The following RCAN2 variants were observed in gnomAD, a reference collection of about 807,000 sequenced individuals.
The protein encoded by RCAN2 is regulator of calcineurin 2.
RCAN2 carries 9 observed loss-of-function variants against 23.6 expected under a neutral mutation model. That is an observed-to-expected ratio of 0.38 (90% confidence interval 0.23 to 0.67). The LOEUF (loss-of-function observed/expected upper bound fraction) is 0.67, where lower values mean the gene tolerates loss of function less well. Among genes scored for constraint, RCAN2 ranks in the 30% least tolerant of loss-of-function variants. The pLI is 0.51. For synonymous variants in RCAN2, 109 were observed against 115.7 expected (o/e 0.94, Z 0.37); for missense variants, 273 against 302.3 (o/e 0.90, Z 0.72).
intron 2 of RCAN2, among the ~76,000 whole-genome samples, chr6:46,305,306 C>CTA (rs1362493136): frequency 6.6e-6 from 1 of 152,066 alleles, no homozygotes; most frequent in Non-Finnish European, 1.5e-5. Flanking sequence ...ACAGGAGGTT[C>CTA]TATACTACAC....
At chr6:46,228,976 ATCTC>A (rs1765778178) in intron 4 of RCAN2, among the ~76,000 whole-genome samples, 2 of 152,220 alleles carry the variant, frequency 1.3e-5, no homozygotes, top group South Asian at 4.1e-4. Context: ...TGATGACAAA[ATCTC>A]TCAGCATTTG....
At chr6:46,371,334 C>T (rs1273630928) in intron 2 of RCAN2, among the ~76,000 whole-genome samples, 2 of 152,054 alleles carry the variant, frequency 1.3e-5, no homozygotes, top group South Asian at 2.1e-4. Flanking sequence ...AAGTCACATC[C>T]CTTAATATCT....
intron 2 of RCAN2, among the ~76,000 whole-genome samples, chr6:46,332,754 T>G (rs1185070296): frequency 6.6e-6 from 1 of 152,162 alleles, no homozygotes; most frequent in Admixed American, 6.5e-5. Context: ...TTGTGAATAG[T>G]GCTGCAATAA....
chr6:46,485,011 C>A (rs1768959880), intron 1 of RCAN2, among the ~76,000 whole-genome samples: 1 of 152,244 alleles, frequency 6.6e-6, no homozygotes, highest in African/African-American at 2.4e-5. Flanking sequence ...GCTAAAAAAA[C>A]AATTAAAAGC....
chr6:46,321,650 G>T (rs763724488), intron 2 of RCAN2, among the ~76,000 whole-genome samples: 5 of 152,174 alleles, frequency 3.3e-5, no homozygotes, highest in Admixed American at 2.6e-4. Context: ...TGCAGAGAAG[G>T]GGCAGCCCCA....
intron 2 of RCAN2, among the ~76,000 whole-genome samples, chr6:46,377,316 C>G (rs1765503334): frequency 6.6e-6 from 1 of 152,188 alleles, no homozygotes; most frequent in African/African-American, 2.4e-5. Flanking sequence ...TCCAAAGAGC[C>G]TAGCAGAAAC....
At chr6:46,429,268 G>T (rs1336999733) in intron 2 of RCAN2, among the ~76,000 whole-genome samples, 1 of 152,110 alleles carries the variant, frequency 6.6e-6, no homozygotes, top group African/African-American at 2.4e-5. Context: ...CTTTTACAGG[G>T]TGTACTCTGA....
chr6:46,413,684 C>T (rs1766616393), intron 2 of RCAN2, among the ~76,000 whole-genome samples: 2 of 152,210 alleles, frequency 1.3e-5, no homozygotes, highest in Non-Finnish European at 2.9e-5. Context: ...GCCCTGCCTC[C>T]TGTCTTTGCT....
Position 46,256,742 on chromosome 6 carries a change from A to G in RCAN2, c.226-7846T>C, listed in dbSNP as rs577058584. Reference sequence around the variant, plus strand: ...CAAACATGGCTTATAAAGATATATTATGGCAAAATAAAATAAAGTAAAATG... The same window carrying G: ...CAAACATGGCTTATAAAGATATATTGTGGCAAAATAAAATAAAGTAAAATG... On this transcript the variant is annotated intron_variant, in intron 2 of 4. Coordinates refer to ENST00000371374, the MANE Select transcript of RCAN2 (RefSeq NM_001251974.2). 8.5e-5 allele frequency among the ~76,000 whole-genome samples: 13 copies of G among 152,340 alleles called. No homozygotes were observed. In the South Asian group the frequency reaches 1.0e-3, roughly 12 times the overall value.
chr6:46,244,989 G>A (rs1766463453), intron 4 of RCAN2, among the ~76,000 whole-genome samples: 2 of 152,302 alleles, frequency 1.3e-5, no homozygotes, highest in Admixed American at 6.5e-5. Flanking sequence ...GGCTTCACAA[G>A]GCTTCATGTG....
chr6:46,474,432 A>G (rs148521920), intron 1 of RCAN2, among the ~76,000 whole-genome samples: 1 of 152,304 alleles, frequency 6.6e-6, no homozygotes, highest in East Asian at 1.9e-4. Context: ...AATGAGGAAT[A>G]TTCTTGAAGC....
At chr6:46,385,228 A>AC (rs1278404793) in intron 2 of RCAN2, among the ~76,000 whole-genome samples, 1 of 152,200 alleles carries the variant, frequency 6.6e-6, no homozygotes, top group East Asian at 1.9e-4. Context: ...CAAGGAAAAT[A>AC]CAGGAGAGGC....
intron 2 of RCAN2, among the ~76,000 whole-genome samples, chr6:46,389,218 C>A (rs1765857811): frequency 6.6e-6 from 1 of 152,184 alleles, no homozygotes; most frequent in Non-Finnish European, 1.5e-5. Context: ...AAGTTTGATG[C>A]AAGCTTCAGC....
chr6:46,480,047 C>T (rs906320148), intron 1 of RCAN2, among the ~76,000 whole-genome samples: 6 of 152,114 alleles, frequency 3.9e-5, no homozygotes, highest in African/African-American at 7.2e-5. Flanking sequence ...ACACAAATTC[C>T]GGCACCAAAA....
At chr6:46,340,827 G>A (rs1446953595) in intron 2 of RCAN2, among the ~76,000 whole-genome samples, 2 of 152,218 alleles carry the variant, frequency 1.3e-5, no homozygotes, top group African/African-American at 4.8e-5. Context: ...AGAATCAAAA[G>A]CCAAATGGGG....
chr6:46,330,685 T>C (rs1168814043), intron 2 of RCAN2, among the ~76,000 whole-genome samples: 2 of 152,178 alleles, frequency 1.3e-5, no homozygotes, highest in Non-Finnish European at 2.9e-5. Flanking sequence ...GTTTGCTTAT[T>C]TAAATTGGGA....
intron 2 of RCAN2, among the ~76,000 whole-genome samples, chr6:46,264,758 A>G (rs1386332423): frequency 6.6e-6 from 1 of 152,198 alleles, no homozygotes; most frequent in East Asian, 1.9e-4. Flanking sequence ...ACACTGCCCA[A>G]AATTTGGGAA....
chr6:46,369,730 G>T (rs1468309144), intron 2 of RCAN2, among the ~76,000 whole-genome samples: 1 of 152,158 alleles, frequency 6.6e-6, no homozygotes, highest in Non-Finnish European at 1.5e-5. Flanking sequence ...TGATTAAGTC[G>T]CTGAAATGAA....
chr6:46,390,874 T>A (rs1231778049), intron 2 of RCAN2, among the ~76,000 whole-genome samples: 1 of 152,174 alleles, frequency 6.6e-6, no homozygotes, highest in Non-Finnish European at 1.5e-5. Flanking sequence ...CTCTATTGTA[T>A]GAGGTTGGGT....
Sources: allele counts gnomAD v4.1 joint callset (sites outside exome capture counted in the v4.1 genomes callset), GRCh38; gene constraint gnomAD v4.1.1; transcripts MANE v1.5; gene names NCBI Gene and HGNC (gene_info 2026-07-23, HGNC 2026-07-21).